Variants in PKD2 observed in about 807,000 individuals in gnomAD.
PKD2 encodes the protein polycystin-2.
A neutral mutation model predicts 105.9 loss-of-function variants in PKD2; 48 were observed. The observed-to-expected ratio is 0.45, with a 90% CI of 0.36 to 0.58. The LOEUF (loss-of-function observed/expected upper bound fraction) is 0.58, where lower values mean the gene tolerates loss of function less well. PKD2 is among the 20% of genes least tolerant of loss of function. The probability of loss-of-function intolerance (pLI) is 0.00; values close to 1 mark genes in which losing one functional copy is unlikely to be tolerated. For missense variants in PKD2, 1,078 were observed against 1,255.3 expected, an observed-to-expected ratio of 0.86 and a Z score of 2.13; for synonymous variants, 464 against 481.1, an observed-to-expected ratio of 0.96 and a Z score of 0.46.
At position 88,075,693 on chromosome 4, in the gene PKD2, G is replaced by C; in HGVS notation, c.2906G>C (p.Ter969SerextTer12). Residue 969 changes from the stop codon to serine, a stop_lost, in exon 15 of 15, where the codon TGA becomes TCA. Transcript: ENST00000237596. The stretch of plus-strand genomic sequence containing the variant: ...AATGGGAGTTCTAATGTCCACGTAT[G>C]ATATGTGTGTTTCAGTATGTGTGTT... ...GGNGSSNVHV[*>S] 1.3e-6 allele frequency: 2 copies of C among 1,598,608 alleles called. No homozygotes were observed.
At chr4:88,029,838 G>T (rs1344208666) in intron 2 of PKD2, among the ~76,000 whole-genome samples, 1 of 152,190 alleles carries the variant, frequency 6.6e-6, no homozygotes, top group Non-Finnish European at 1.5e-5. Context: ...CTCTGAGGCA[G>T]GAAAACACTC....
intron 2 of PKD2, among the ~76,000 whole-genome samples, chr4:88,024,900 C>T (rs1013022465): frequency 5.9e-5 from 9 of 151,818 alleles, no homozygotes; most frequent in Non-Finnish European, 8.8e-5. Context: ...TTTGGGAGGC[C>T]GAGGAGGGTG....
At chr4:88,064,468 G>C (rs1413455684) in intron 10 of PKD2, among the ~76,000 whole-genome samples, 1 of 152,100 alleles carries the variant, frequency 6.6e-6, no homozygotes, top group Non-Finnish European at 1.5e-5. Context: ...TTGATTAAAA[G>C]TTGTAAAGAT....
intron 1 of PKD2, among the ~76,000 whole-genome samples, chr4:88,013,888 G>A (rs536257857): frequency 6.6e-6 from 1 of 152,288 alleles, no homozygotes; most frequent in South Asian, 2.1e-4. Flanking sequence ...GAATGGGCAC[G>A]TTTTCCTGTA....
intron 2 of PKD2, among the ~76,000 whole-genome samples, chr4:88,024,255 A>T (rs1430897904): frequency 6.6e-6 from 1 of 151,954 alleles, no homozygotes; most frequent in East Asian, 1.9e-4. Context: ...TCACGAGTTC[A>T]AGACCAGCCT....
At chr4:88,037,544 A>C (rs1727381554) in intron 3 of PKD2, among the ~76,000 whole-genome samples, 1 of 152,220 alleles carries the variant, frequency 6.6e-6, no homozygotes, top group Non-Finnish European at 1.5e-5. Context: ...GAGTCACAGG[A>C]AACTATTCAT....
chr4:88,075,689 G>C lies in PKD2; in HGVS notation c.2902G>C (p.Val968Leu), dbSNP rs549787080. 2.3e-5 allele frequency: 37 copies of C among 1,600,654 alleles called. No homozygotes were observed. The highest frequency in any genetic ancestry group is 3.2e-5 in the Non-Finnish European group (37 of 1,168,236). ...AGGNGSSNVHV is the reference protein window; with the variant it reads ...AGGNGSSNVHL ...TGGAAATGGGAGTTCTAATGTCCAC[G>C]TATGATATGTGTGTTTCAGTATGTG... is the stretch of plus-strand genomic sequence containing the variant. The change falls in exon 15 of 15, where the codon GTA (valine) becomes CTA (leucine). Residue 968 changes from valine (V) to leucine (L), a missense_variant. By Grantham distance (32) the Val-to-Leu change is conservative. This residue lies in a region of PKD2 where 868 missense variants were observed against 1,067.3 expected (regional missense o/e 0.81). Coordinates refer to ENST00000237596, the MANE Select transcript of PKD2 (RefSeq NM_000297.4).
At chr4:88,022,187 T>A (rs150087867) in intron 2 of PKD2, among the ~76,000 whole-genome samples, 1 of 152,238 alleles carries the variant, frequency 6.6e-6, no homozygotes, top group African/African-American at 2.4e-5. Context: ...GACTCCTCTT[T>A]CAACCCTGTT....
At position 88,007,984 on chromosome 4, in the gene PKD2, G is replaced by A. The variant is rs1326556150; in HGVS notation, c.251G>A (p.Arg84Gln). 4.6e-6 allele frequency: 7 copies of A among 1,511,260 alleles called. No individual in the cohort carries two copies. In the Admixed American group the frequency reaches 1.2e-4, roughly 27 times the overall value. 93.6% of individuals were successfully genotyped at this position (1,511,260 alleles called of 1,614,324 possible). A position where few individuals can be genotyped will look rare whatever the true frequency, so the allele number is the denominator to read the frequency against. The change falls in exon 1 of 15, where the codon CGG becomes CAG. Residue 84 changes from arginine to glutamine, a missense_variant. Physicochemically the swap from Arg to Gln is conservative, Grantham distance 43. This residue lies in a region of PKD2 where 210 missense variants were observed against 187.9 expected (regional missense o/e 1.12). Coordinates refer to ENST00000237596, the MANE Select transcript of PKD2 (RefSeq NM_000297.4). ...SPSPPLSSCSRQAWSRDNPGF... is the reference protein window; with the variant it reads ...SPSPPLSSCSQQAWSRDNPGF... ...TCTCCTCCGCTCTCGTCGTGCTCCC[G>A]GCAGGCGTGGAGCCGCGATAACCCC...
chr4:88,024,919 G>A (rs1460623466), intron 2 of PKD2, among the ~76,000 whole-genome samples: 1 of 152,102 alleles, frequency 6.6e-6, no homozygotes, highest in African/African-American at 2.4e-5. Context: ...TGGATCACGA[G>A]GTCAGGAGTT....
intron 6 of PKD2, among the ~76,000 whole-genome samples, chr4:88,047,081 C>T (rs148060855): frequency 6.6e-6 from 1 of 152,156 alleles, no homozygotes; most frequent in Non-Finnish European, 1.5e-5. Context: ...ACAGTATGCT[C>T]TCAGCCACGC....
intron 10 of PKD2, among the ~76,000 whole-genome samples, chr4:88,064,357 T>C (rs1187734175): frequency 2.0e-5 from 3 of 152,244 alleles, no homozygotes; most frequent in Admixed American, 1.3e-4. Context: ...TTTTTAATGT[T>C]TCTAATGTTT....
At chr4:88,049,065 A>G (rs1432185094) in intron 6 of PKD2, among the ~76,000 whole-genome samples, 1 of 152,210 alleles carries the variant, frequency 6.6e-6, no homozygotes, top group Non-Finnish European at 1.5e-5. Flanking sequence ...TCCTTTTTAT[A>G]TTTTAACCAA....
chr4:88,011,902 G>A (rs111628807), intron 1 of PKD2, among the ~76,000 whole-genome samples: 1 of 145,960 alleles, frequency 6.9e-6, no homozygotes, highest in Non-Finnish European at 1.5e-5. Flanking sequence ...ATGGGGGGGG[G>A]GGGGAGGGGC....
Position 88,063,330 on chromosome 4 carries a change from G to A in PKD2, c.2118+1326G>A, listed in dbSNP as rs566695225. ...ATGGATCACCTGAGGTCAGGAGTTCGAAACCAGCCTGGCCAACATGGTGAA... is the reference window on the plus strand; with the variant it reads ...ATGGATCACCTGAGGTCAGGAGTTCAAAACCAGCCTGGCCAACATGGTGAA... On this transcript the variant is annotated intron_variant, in intron 10 of 14. Coordinates refer to ENST00000237596, the MANE Select transcript of PKD2 (RefSeq NM_000297.4). Among the ~76,000 whole-genome samples the A allele has an allele frequency of 7.2e-5, 11 of 152,232 alleles. No individual in the cohort carries two copies. In the East Asian group the frequency reaches 1.7e-3, roughly 24 times the overall value.
In PKD2 at chr4:88,038,231, G is replaced by C; in HGVS notation, c.844-20G>C. The C allele has an allele frequency of 1.2e-6, 2 of 1,613,900 alleles. No homozygotes were observed. The highest frequency in any genetic ancestry group is 4.5e-5 in the East Asian group (2 of 44,888). On this transcript the variant is annotated intron_variant, in intron 3 of 14. Transcript: ENST00000237596. Reference sequence around the variant, plus strand: ...CGGCTGAGCTTGGAACTTTTTCAGAGATGTTTCCTTTGCTTTTAGTTCACA... The same window carrying C: ...CGGCTGAGCTTGGAACTTTTTCAGACATGTTTCCTTTGCTTTTAGTTCACA...
In PKD2 at chr4:88,068,050, A is replaced by G. The variant is rs769938699; in HGVS notation, c.2511A>G (p.Glu837=). The G allele has an allele frequency of 1.2e-6, 2 of 1,613,944 alleles. No individual in the cohort carries two copies. Among genetic ancestry groups the G allele is most frequent in the African/African-American group, 2.7e-5 (2 of 74,918 alleles). The change falls in exon 13 of 15, where the codon GAA becomes GAG. Residue 837 remains glutamate (E), a synonymous_variant. Coordinates refer to ENST00000237596, the MANE Select transcript of PKD2 (RefSeq NM_000297.4). ...GCATTTCTAGTGGCGTTTCTTACGA[A>G]GAGTTTCAAGTGTAAGTATAAAGGA... is the stretch of plus-strand genomic sequence containing the variant. The part of the protein sequence containing the change: ...RGSISSGVSY[E]EFQVLVRRVD...
chr4:88,008,005 A>G lies in PKD2; in HGVS notation c.272A>G (p.Asn91Ser). 2 of 1,517,308 alleles carry G rather than the reference A, an allele frequency of 1.3e-6. No homozygotes were observed. The highest frequency in any genetic ancestry group is 1.8e-6 in the Non-Finnish European group (2 of 1,137,264). 94.0% of individuals were successfully genotyped at this position (1,517,308 alleles called of 1,614,324 possible). A position where few individuals can be genotyped will look rare whatever the true frequency, so the allele number is the denominator to read the frequency against. ...TCCCGGCAGGCGTGGAGCCGCGATA[A>G]CCCCGGCTTCGAGGCCGAGGAGGAG... is the stretch of plus-strand genomic sequence containing the variant. ...SCSRQAWSRD[N>S]PGFEAEEEEE... The change falls in exon 1 of 15, where the codon AAC (asparagine) becomes AGC (serine). Residue 91 changes from asparagine (N) to serine (S), a missense_variant. By Grantham distance (46) the Asn-to-Ser change is conservative. This residue lies in a region of PKD2 where 210 missense variants were observed against 187.9 expected (regional missense o/e 1.12). Coordinates refer to ENST00000237596, the MANE Select transcript of PKD2 (RefSeq NM_000297.4).
Position 88,007,685 on chromosome 4 carries a change from G to C in PKD2, c.-49G>C, listed in dbSNP as rs1441916966. ...AGGAACATGGCTCCTGAGGCGCACAGCGCCGAGCGCGGCGCCGCGCACCCG... is the reference window on the plus strand; with the variant it reads ...AGGAACATGGCTCCTGAGGCGCACACCGCCGAGCGCGGCGCCGCGCACCCG... On this transcript the variant is annotated 5_prime_UTR_variant, in exon 1 of 15. Coordinates refer to ENST00000237596, the MANE Select transcript of PKD2 (RefSeq NM_000297.4). The C allele has an allele frequency of 8.9e-7, 1 of 1,122,152 alleles. No individual in the cohort carries two copies. Among genetic ancestry groups the C allele is most frequent in the Non-Finnish European group, 1.1e-6 (1 of 914,390 alleles). The allele number at this position is 1,122,152 out of a possible 1,614,324, so 69.5% of individuals were successfully genotyped here.
Sources: gnomAD v4.1 joint callset for allele counts (sites outside exome capture counted in the v4.1 genomes callset) on GRCh38, gnomAD v4.1.1 for gene constraint, gnomAD v4.1.1 regional missense constraint, MANE v1.5 for transcripts, NCBI Gene and HGNC (gene_info 2026-07-23, HGNC 2026-07-21) for gene names.